Variants in MIOS observed in about 807,000 individuals in gnomAD.
MIOS encodes the protein GATOR2 complex protein MIOS.
In MIOS, 52 loss-of-function variants were observed where a neutral mutation model predicts 96.9. The ratio of observed to expected loss-of-function variants is 0.54; its 90% confidence interval spans 0.43 to 0.68. The LOEUF is 0.68. Ranked by LOEUF, MIOS falls within the 30% of genes least tolerant of loss-of-function variation. The pLI is 0.00. For synonymous variants in MIOS, 397 were observed against 359.5 expected (o/e 1.10, Z -1.18); for missense variants, 1,005 against 1,052.8 (o/e 0.95, Z 0.63).
At position 7,596,443 on chromosome 7, in the gene MIOS, C is replaced by T. The variant is rs1327625348; in HGVS notation, c.2383C>T (p.Pro795Ser). The T allele has an allele frequency of 1.2e-6, 2 of 1,613,878 alleles. No individual in the cohort carries two copies. Among genetic ancestry groups the T allele is most frequent in the Non-Finnish European group, 1.7e-6 (2 of 1,179,892 alleles). ...GCTTTGTCTCATTAATATGGGAACA[C>T]CAGTTTCTAGCTGTCCTGGTATGAC... ...CALCLINMGT[P>S]VSSCPGGTKS... Residue 795 changes from proline (P) to serine (S), a missense_variant, in exon 11 of 13, where the codon CCA (proline) becomes TCA (serine). Physicochemically the swap from Pro to Ser is moderately conservative, Grantham distance 74. Transcript: ENST00000340080.
In MIOS at chr7:7,587,550, C is replaced by T. The variant is rs946296676; in HGVS notation, c.1819-948C>T. ...CCTTGCTCTGCCCCATTTACCATAG[C>T]CATTCAGTTAATTTTTTTGAGTATT... On this transcript the variant is annotated intron_variant, in intron 7 of 12. Transcript: ENST00000340080. Among the ~76,000 whole-genome samples the T allele has an allele frequency of 2.6e-5, 4 of 152,232 alleles. No individual in the cohort carries two copies. In the East Asian group the frequency reaches 7.7e-4, roughly 29 times the overall value.
At chr7:7,583,696 G>A (rs1783799987) in intron 6 of MIOS, among the ~76,000 whole-genome samples, 1 of 151,202 alleles carries the variant, frequency 6.6e-6, no homozygotes, top group African/African-American at 2.4e-5. Flanking sequence ...TTTTCTTAAA[G>A]ATTAGGGCTA....
rs1156586268 is a variant in MIOS at position 7,572,108 on chromosome 7, T to C, written c.-40-328T>C. On this transcript the variant is annotated intron_variant, in intron 3 of 12. Coordinates refer to ENST00000340080, the MANE Select transcript of MIOS (RefSeq NM_019005.4). This position sits in a 1 kb window ranked among gnomAD's most constrained non-coding sequence, Gnocchi z 4.8. ...CCTTCAAAGGGATAATACTTATTAA[T>C]TTGCTTACCACACTGAAGTTGTTAT... is the stretch of plus-strand genomic sequence containing the variant. Among the ~76,000 whole-genome samples, 3 of 152,234 alleles carry C rather than the reference T, an allele frequency of 2.0e-5. No homozygotes were observed. Among genetic ancestry groups the C allele is most frequent in the Non-Finnish European group, 4.4e-5 (3 of 68,044 alleles).
rs73340658 is a variant in MIOS, at chr7:7,598,584, C to T, written c.2401+2123C>T. ...TGGAATATCTACAACAATGAGAGCT[C>T]GAGGTAAAATATAGCATAAATAAGA... On this transcript the variant is annotated intron_variant, in intron 11 of 12. Coordinates refer to ENST00000340080, the MANE Select transcript of MIOS (RefSeq NM_019005.4). Among the ~76,000 whole-genome samples the T allele has an allele frequency of 5.1e-3, 761 of 148,274 alleles. 6 individuals are homozygous for T. Among genetic ancestry groups the T allele is most frequent in the African/African-American group, 0.019 (712 of 38,076 alleles).
intron 6 of MIOS, among the ~76,000 whole-genome samples, chr7:7,583,797 CTGAA>C (rs1357141708): frequency 5.9e-5 from 9 of 152,108 alleles, no homozygotes; most frequent in African/African-American, 2.2e-4. Context: ...TTAAGAAACT[CTGAA>C]TGACACTTTT....
intron 1 of MIOS, 161 bp from the exon 2 acceptor site, chr7:7,567,446 C>T (rs905635926): frequency 6.6e-6 from 1 of 151,830 alleles, no homozygotes; most frequent in Non-Finnish European, 1.5e-5. Context: ...CCCGTTGTAC[C>T]CTCTTAAATA....
intron 5 of MIOS, among the ~76,000 whole-genome samples, chr7:7,582,373 C>G (rs943132645): frequency 6.6e-6 from 1 of 151,954 alleles, no homozygotes; most frequent in Non-Finnish European, 1.5e-5. Context: ...CATCTTTATT[C>G]GTTTTGACTT....
At chr7:7,586,652 G>A (rs868148848) in intron 7 of MIOS, among the ~76,000 whole-genome samples, 3 of 152,134 alleles carry the variant, frequency 2.0e-5, no homozygotes, top group African/African-American at 7.2e-5. Flanking sequence ...TTTTATTGGA[G>A]CAGCTTAATG....
At chr7:7,569,369 T>A (rs1324493956) in intron 3 of MIOS, among the ~76,000 whole-genome samples, 2 of 152,242 alleles carry the variant, frequency 1.3e-5, no homozygotes, top group Non-Finnish European at 2.9e-5. Flanking sequence ...CCCAGCTTCA[T>A]AACCATGCCT....
intron 9 of MIOS, among the ~76,000 whole-genome samples, chr7:7,589,882 A>G (rs1314518457): frequency 6.6e-6 from 1 of 152,172 alleles, no homozygotes; most frequent in African/African-American, 2.4e-5. Flanking sequence ...TACAAGAAAG[A>G]TTGGCTTTTC....
intron 9 of MIOS, among the ~76,000 whole-genome samples, chr7:7,591,491 G>C (rs2115442405): frequency 6.6e-6 from 1 of 151,944 alleles, no homozygotes; most frequent in East Asian, 1.9e-4. Context: ...TGTTGCCCAG[G>C]CTGGTCTCAA....
chr7:7,586,674 A>G (rs897189341), intron 7 of MIOS, among the ~76,000 whole-genome samples: 1 of 152,230 alleles, frequency 6.6e-6, no homozygotes, highest in Non-Finnish European at 1.5e-5. Context: ...AATGTTTAAT[A>G]AATGTGTATT....
chr7:7,587,432 T>G (rs1398870310), intron 7 of MIOS, among the ~76,000 whole-genome samples: 2 of 152,342 alleles, frequency 1.3e-5, no homozygotes, highest in East Asian at 3.9e-4. Flanking sequence ...ATACTTTATG[T>G]ATAAATAATT....
intron 11 of MIOS, among the ~76,000 whole-genome samples, chr7:7,603,031 A>C (rs1179939753): frequency 1.3e-5 from 2 of 151,736 alleles, no homozygotes; most frequent in Admixed American, 1.3e-4. Context: ...AGAAAGCTGA[A>C]ACTGGATCCC....
At chr7:7,606,132 C>T in intron 12 of MIOS, 61 bp downstream of exon 12, 1 of 1,578,334 alleles carries the variant, frequency 6.3e-7, no homozygotes, top group Non-Finnish European at 8.6e-7. Context: ...CAGATTGCTT[C>T]TAAATAGTTT....
At chr7:7,605,750 G>T in intron 11 of MIOS, 192 bp from the exon 12 acceptor site, 1 of 453,554 alleles carries the variant, frequency 2.2e-6, no homozygotes, top group Middle Eastern at 6.3e-4. Context: ...TTTTTATATT[G>T]GCTATTAAAA....
intron 2 of MIOS, among the ~76,000 whole-genome samples, 161 bp downstream of exon 2, chr7:7,567,849 A>G (rs1437884014): frequency 6.6e-6 from 1 of 152,238 alleles, no homozygotes; most frequent in Non-Finnish European, 1.5e-5. Flanking sequence ...TGGTGCCAAA[A>G]AAACGTAAAA....
At position 7,597,517 on chromosome 7, in the gene MIOS, T is replaced by TAAAAAA. The variant is rs372634070; in HGVS notation, c.2401+1056_2401+1057insAAAAAA. 5.0e-3 allele frequency among the ~76,000 whole-genome samples: 350 copies of TAAAAAA among 70,440 alleles called. 85 individuals are homozygous for TAAAAAA. The highest frequency in any genetic ancestry group is 0.025 in the East Asian group (46 of 1,848). The allele number at this position is 70,440 out of a possible 152,430, so 46.2% of individuals were successfully genotyped here. ...ATATATATATATATATATATATATA[T>TAAAAAA]GAAGGCAATACGTAATGTTTTAAAT... On this transcript the variant is annotated intron_variant, in intron 11 of 12. Coordinates refer to ENST00000340080, the MANE Select transcript of MIOS (RefSeq NM_019005.4).
At chr7:7,570,090 C>T (rs1392602454) in intron 3 of MIOS, among the ~76,000 whole-genome samples, 2 of 152,146 alleles carry the variant, frequency 1.3e-5, no homozygotes, top group Admixed American at 6.5e-5. Context: ...TTCTATAAAG[C>T]AAAATTTCTG....
Sources: gnomAD v4.1 joint callset for allele counts (sites outside exome capture counted in the v4.1 genomes callset) on GRCh38, gnomAD v4.1.1 for gene constraint, Gnocchi (gnomAD v3.1) non-coding constraint, MANE v1.5 for transcripts, NCBI Gene and HGNC (gene_info 2026-07-23, HGNC 2026-07-21) for gene names.